The following NHSL1 variants were observed in gnomAD, a reference collection of about 807,000 sequenced individuals.
The protein encoded by NHSL1 is NHS-like protein 1.
A neutral mutation model predicts 95.0 loss-of-function variants in NHSL1; 48 were observed. That is an observed-to-expected ratio of 0.51 (90% CI 0.40 to 0.64). The LOEUF (loss-of-function observed/expected upper bound fraction) is 0.64. NHSL1 is among the 30% of genes least tolerant of loss of function. The probability of loss-of-function intolerance (pLI) is 0.00; values close to 1 mark genes in which losing one functional copy is unlikely to be tolerated. For synonymous variants in NHSL1, 783 were observed against 833.9 expected (o/e 0.94, Z 1.05); for missense variants, 1,971 against 2,077.7 (o/e 0.95, Z 1.00).
chr6:138,550,654 A>G (rs1486830652), upstream of NHSL1, among the ~76,000 whole-genome samples: 1 of 152,108 alleles, frequency 6.6e-6, no homozygotes, highest in Non-Finnish European at 1.5e-5. Context: ...CTTCAAAACC[A>G]CTCCAGTGTG....
At chr6:138,667,103 T>C (rs1411571528) in intron 1 of NHSL1, among the ~76,000 whole-genome samples, 3 of 152,198 alleles carry the variant, frequency 2.0e-5, no homozygotes, top group African/African-American at 7.2e-5. Flanking sequence ...TTGCAGCCAT[T>C]AGCGTTTCAG....
intron 1 of NHSL1, among the ~76,000 whole-genome samples, chr6:138,505,695 T>C (rs971328340): frequency 6.8e-6 from 1 of 146,500 alleles, no homozygotes; most frequent in African/African-American, 2.5e-5. Flanking sequence ...ATACAATCAA[T>C]GAAGATCATT....
chr6:138,503,057 C>A (rs1780771920), upstream of NHSL1, among the ~76,000 whole-genome samples: 1 of 152,164 alleles, frequency 6.6e-6, no homozygotes, highest in Non-Finnish European at 1.5e-5. Flanking sequence ...CAATTTATAT[C>A]CACATACTAT....
At position 138,432,009 on chromosome 6, in the gene NHSL1, G is replaced by A. The variant is rs369872718; in HGVS notation, c.2336C>T (p.Pro779Leu). 5.8e-6 allele frequency: 9 copies of A among 1,551,602 alleles called. No individual in the cohort carries two copies. Among genetic ancestry groups the A allele is most frequent in the Admixed American group, 2.0e-5 (1 of 50,996 alleles). Residue 779 changes from proline (P) to leucine (L), a missense_variant, in exon 6 of 8, where the codon CCC (proline) becomes CTC (leucine). Transcript: ENST00000343505. This position sits in a 1 kb window ranked among gnomAD's most constrained non-coding sequence, Gnocchi z 4.4. ...CGTGTAGTCAATGTAATAACCCCAG[G>A]GGTCCGTGTACTCTGACTTGACGCT... ...TSSVKSEYTDPWGYYIDYTGM... is the reference protein window; with the variant it reads ...TSSVKSEYTDLWGYYIDYTGM...
At chr6:138,504,272 C>T (rs983124557), upstream of NHSL1, among the ~76,000 whole-genome samples, 2 of 152,014 alleles carry the variant, frequency 1.3e-5, no homozygotes, top group Admixed American at 6.6e-5. Context: ...AGAGAGAGAA[C>T]GTATTCGCTG....
intron 1 of NHSL1, among the ~76,000 whole-genome samples, chr6:138,617,193 AT>A (rs1784591931): frequency 6.6e-6 from 1 of 152,196 alleles, no homozygotes; most frequent in African/African-American, 2.4e-5. Flanking sequence ...GGTGAGACAT[AT>A]AGAATGGGAC....
At chr6:138,580,309 G>T (rs1784033697) in intron 1 of NHSL1, among the ~76,000 whole-genome samples, 1 of 152,166 alleles carries the variant, frequency 6.6e-6, no homozygotes, top group Non-Finnish European at 1.5e-5. Context: ...TGTGTTGTAG[G>T]AGACAGATAT....
At chr6:138,686,136 G>C (rs1385895296) in intron 1 of NHSL1, among the ~76,000 whole-genome samples, 1 of 151,990 alleles carries the variant, frequency 6.6e-6, no homozygotes, top group East Asian at 1.9e-4. Flanking sequence ...AACATGTATT[G>C]CATACTTGTA....
chr6:138,663,594 G>A (rs950223519), intron 1 of NHSL1, among the ~76,000 whole-genome samples: 1 of 150,608 alleles, frequency 6.6e-6, no homozygotes, highest in Non-Finnish European at 1.5e-5. Flanking sequence ...TCTAGGCCGG[G>A]CACGGTGGCT....
At chr6:138,609,606 C>A (rs1024835766) in intron 1 of NHSL1, among the ~76,000 whole-genome samples, 1 of 151,912 alleles carries the variant, frequency 6.6e-6, no homozygotes, top group Non-Finnish European at 1.5e-5. Flanking sequence ...AAAAATTAGC[C>A]AGGCCTGGTG....
chr6:138,546,356 C>G (rs1388324772), upstream of NHSL1, among the ~76,000 whole-genome samples: 1 of 139,442 alleles, frequency 7.2e-6, no homozygotes, highest in Non-Finnish European at 1.5e-5. Flanking sequence ...TTTGGGAGAC[C>G]AAGGTGGGAA....
rs56326954 is a variant in NHSL1 at position 138,423,815 on chromosome 6, C to CAAAAAAAAAAAAAAAAAAAAAAAAA, written c.*265_*266insTTTTTTTTTTTTTTTTTTTTTTTTT. 2.2e-5 allele frequency: 3 copies of CAAAAAAAAAAAAAAAAAAAAAAAAA among 133,622 alleles called. No homozygotes were observed. Among genetic ancestry groups the CAAAAAAAAAAAAAAAAAAAAAAAAA allele is most frequent in the African/African-American group, 1.1e-4 (3 of 26,270 alleles). 8.3% of individuals were successfully genotyped at this position (133,622 alleles called of 1,614,324 possible). On this transcript the variant is annotated 3_prime_UTR_variant, in exon 8 of 8. Coordinates refer to ENST00000343505, the MANE Select transcript of NHSL1 (RefSeq NM_001144060.2). ...GCACACATACACACCCAGCATTTAG[C>CAAAAAAAAAAAAAAAAAAAAAAAAA]AAAAAAAAAAAAAAAAAAAAAAAAT...
chr6:138,460,539 T>A (rs1196022668), intron 3 of NHSL1, among the ~76,000 whole-genome samples: 2 of 151,988 alleles, frequency 1.3e-5, no homozygotes, highest in Non-Finnish European at 2.9e-5. Flanking sequence ...ATTTACATTA[T>A]ATTAGTTATT....
chr6:138,452,156 G>T (rs1162418155), intron 3 of NHSL1, among the ~76,000 whole-genome samples: 1 of 152,198 alleles, frequency 6.6e-6, no homozygotes, highest in Non-Finnish European at 1.5e-5. Context: ...GGAATGGAGA[G>T]TCACAAATGA....
At chr6:138,558,204 C>G (rs557040728) in intron 1 of NHSL1, among the ~76,000 whole-genome samples, 48 of 151,902 alleles carry the variant, frequency 3.2e-4, no homozygotes, top group Non-Finnish European at 5.3e-4. Flanking sequence ...CTGACTGCAA[C>G]CTCCGCCTCC....
At chr6:138,581,564 T>C (rs927582127) in intron 1 of NHSL1, among the ~76,000 whole-genome samples, 2 of 151,744 alleles carry the variant, frequency 1.3e-5, no homozygotes, top group East Asian at 3.9e-4. Flanking sequence ...TGGTCGTGTG[T>C]GCCTGTAATC....
In NHSL1 at chr6:138,430,319, T is replaced by C. The variant is rs1775548419; in HGVS notation, c.3952+74A>G. 7.1e-7 allele frequency: 1 copy of C among 1,411,064 alleles called. No individual in the cohort carries two copies. The highest frequency in any genetic ancestry group is 2.6e-5 in the East Asian group (1 of 38,920). 87.4% of individuals were successfully genotyped at this position (1,411,064 alleles called of 1,614,324 possible). ...CCTGGGTTCTTTCCACGTGTGAGCA[T>C]TCAACAACCCTATCTGGTTCAGCTG... On this transcript the variant is annotated intron_variant, in intron 6 of 7. Coordinates refer to ENST00000343505, the MANE Select transcript of NHSL1 (RefSeq NM_001144060.2). The surrounding 1 kb of genome is among the most constrained non-coding windows in gnomAD (Gnocchi z 4.7).
At chr6:138,496,072 T>C (rs557902950) in intron 2 of NHSL1, 147 bp downstream of exon 2, 5 of 864,682 alleles carry the variant, frequency 5.8e-6, no homozygotes, top group African/African-American at 1.7e-5. Flanking sequence ...TATCAGCATG[T>C]ATTAGGTTGT....
chr6:138,518,475 G>GT (rs1781544355), intron 1 of NHSL1, among the ~76,000 whole-genome samples: 1 of 90,640 alleles, frequency 1.1e-5, no homozygotes. Flanking sequence ...CCACAGGAAT[G>GT]ATTTTTTTTT....
Sources: gnomAD v4.1 joint callset for allele counts (sites outside exome capture counted in the v4.1 genomes callset) on GRCh38, gnomAD v4.1.1 for gene constraint, Gnocchi (gnomAD v3.1) non-coding constraint, MANE v1.5 for transcripts, NCBI Gene and HGNC (gene_info 2026-07-23, HGNC 2026-07-21) for gene names.